Variants in WDFY2 observed in about 807,000 individuals in gnomAD.
WDFY2 encodes WD repeat and FYVE domain-containing protein 2.
WDFY2 carries 36 observed loss-of-function variants against 56.4 expected under a neutral mutation model. The observed-to-expected ratio is 0.64, with a 90% confidence interval of 0.49 to 0.84. WDFY2 has a LOEUF of 0.84. Among genes scored for constraint, WDFY2 ranks in the 40% least tolerant of loss-of-function variants. The pLI is 0.00. For synonymous variants in WDFY2, 176 were observed against 183.7 expected, an observed-to-expected ratio of 0.96 and a Z score of 0.34; for missense variants, 444 against 512.2, an observed-to-expected ratio of 0.87 and a Z score of 1.29.
At position 51,751,406 on chromosome 13, in the gene WDFY2, G is replaced by GAGGC; in HGVS notation, c.826_829dup (p.Glu277AlafsTer5). On this transcript the variant is annotated frameshift_variant, in exon 8 of 12. Coordinates refer to ENST00000298125, the MANE Select transcript of WDFY2 (RefSeq NM_052950.4). LOFTEE classifies it high-confidence loss of function. Reference sequence around the variant, plus strand: ...TTGTCGTCTGGAACATGGACGTGGAGAGGCAGGAGGTAGGTGGCACAGCAG... The same window carrying GAGGC: ...TTGTCGTCTGGAACATGGACGTGGAGAGGCAGGCAGGAGGTAGGTGGCACAGCAG... The GAGGC allele has an allele frequency of 6.2e-7, 1 of 1,614,038 alleles. No homozygotes were observed. The highest frequency in any genetic ancestry group is 1.3e-5 in the African/African-American group (1 of 75,050).
At chr13:51,593,370 A>G (rs1017343062) in intron 1 of WDFY2, among the ~76,000 whole-genome samples, 1 of 152,204 alleles carries the variant, frequency 6.6e-6, no homozygotes, top group African/African-American at 2.4e-5. Context: ...GTTATGATGA[A>G]CATTTATAAA....
chr13:51,749,466 T>A (rs73199746), intron 7 of WDFY2, among the ~76,000 whole-genome samples: 19,073 of 152,162 alleles, frequency 0.13, 1,486 homozygotes, highest in South Asian at 0.22. Flanking sequence ...CCAGAGAAAC[T>A]AATTTATATT....
chr13:51,675,115 G>T (rs1258602276), intron 2 of WDFY2, 55 bp from the exon 3 acceptor site: 2 of 1,553,116 alleles, frequency 1.3e-6, no homozygotes, highest in Non-Finnish European at 1.8e-6. Context: ...AGGCACTCCT[G>T]AGTCGATGAG....
chr13:51,681,504 T>G (rs1955976008), intron 3 of WDFY2, among the ~76,000 whole-genome samples: 1 of 152,158 alleles, frequency 6.6e-6, no homozygotes, highest in African/African-American at 2.4e-5. Flanking sequence ...TTACACTAGC[T>G]TATGATTCTG....
At chr13:51,746,549 T>C (rs576033913) in intron 7 of WDFY2, among the ~76,000 whole-genome samples, 1 of 152,220 alleles carries the variant, frequency 6.6e-6, no homozygotes, top group African/African-American at 2.4e-5. Flanking sequence ...GGTTATAAAG[T>C]TGATTTGCCC....
chr13:51,648,886 C>T (rs1955312138), intron 1 of WDFY2, among the ~76,000 whole-genome samples: 1 of 152,190 alleles, frequency 6.6e-6, no homozygotes. Context: ...GTGGCTCACG[C>T]CTGTAATCTC....
intron 3 of WDFY2, among the ~76,000 whole-genome samples, chr13:51,691,752 A>G (rs1956163702): frequency 6.6e-6 from 1 of 152,000 alleles, no homozygotes; most frequent in Non-Finnish European, 1.5e-5. Flanking sequence ...TGGTAGCTTG[A>G]TGGGGATGGC....
At position 51,690,657 on chromosome 13, in the gene WDFY2, C is replaced by T. The variant is rs1359328068; in HGVS notation, c.280-12939C>T. ...CGTGAATAATGCCGCAATAAACATA[C>T]GTGTGCATGTGTCTTTATAGCAGCA... On this transcript the variant is annotated intron_variant, in intron 3 of 11. Transcript: ENST00000298125. Among the ~76,000 whole-genome samples the T allele has an allele frequency of 3.9e-5, 6 of 151,974 alleles. No homozygotes were observed. In the East Asian group the frequency reaches 7.7e-4, roughly 20 times the overall value.
At chr13:51,693,659 G>A (rs1163591388) in intron 3 of WDFY2, among the ~76,000 whole-genome samples, 3 of 151,192 alleles carry the variant, frequency 2.0e-5, no homozygotes, top group African/African-American at 7.3e-5. Context: ...TGTATATTCT[G>A]TTGATTTGGG....
intron 1 of WDFY2, among the ~76,000 whole-genome samples, chr13:51,639,627 G>A (rs1955118700): frequency 1.3e-5 from 2 of 152,196 alleles, no homozygotes; most frequent in African/African-American, 4.8e-5. Context: ...GATTATGAGG[G>A]CTTTTATGAT....
At chr13:51,751,573 C>A in intron 8 of WDFY2, 158 bp downstream of exon 8, 1 of 698,236 alleles carries the variant, frequency 1.4e-6, no homozygotes, top group Non-Finnish European at 2.4e-6. Context: ...TTTTTTTTCC[C>A]TCACAAGTTG....
At chr13:51,708,592 A>G (rs538969356) in intron 4 of WDFY2, among the ~76,000 whole-genome samples, 2 of 150,536 alleles carry the variant, frequency 1.3e-5, no homozygotes, top group East Asian at 3.9e-4. Context: ...AAAAAAAAAA[A>G]GCAGACTAAG....
intron 6 of WDFY2, among the ~76,000 whole-genome samples, chr13:51,734,055 T>G (rs1273702972): frequency 6.6e-6 from 1 of 152,158 alleles, no homozygotes. Context: ...AGGCTCTTAG[T>G]CTCCTTTAGC....
chr13:51,716,665 C>T (rs899780295), intron 4 of WDFY2, among the ~76,000 whole-genome samples: 4 of 140,512 alleles, frequency 2.8e-5, no homozygotes, highest in Admixed American at 7.4e-5. Context: ...TGCACTCCAG[C>T]CTGGGCGACA....
At chr13:51,649,416 G>T (rs548695316) in intron 1 of WDFY2, among the ~76,000 whole-genome samples, 2 of 151,726 alleles carry the variant, frequency 1.3e-5, no homozygotes, top group Non-Finnish European at 2.9e-5. Flanking sequence ...GCATTTCAGC[G>T]GTCAGACTTT....
Position 51,745,545 on chromosome 13 carries a change from T to TA in WDFY2, c.726-5760dup, listed in dbSNP as rs1477221583. On this transcript the variant is annotated intron_variant, in intron 7 of 11. Transcript: ENST00000298125. ...TCTTTAAGAGTTGTAAATAGATCAG[T>TA]AAAAATACTAAAAGGTGTAGTCCCC... Among the ~76,000 whole-genome samples, 6 of 151,988 alleles carry TA rather than the reference T, an allele frequency of 3.9e-5. No homozygotes were observed. In the East Asian group the frequency reaches 1.2e-3, roughly 29 times the overall value.
At chr13:51,739,199 A>G in intron 7 of WDFY2, 24 bp downstream of exon 7, 1 of 1,567,102 alleles carries the variant, frequency 6.4e-7, no homozygotes, top group Non-Finnish European at 8.7e-7. Context: ...TGCTTTCATA[A>G]AGACTCTGAG....
At chr13:51,646,485 C>T (rs930982239) in intron 1 of WDFY2, among the ~76,000 whole-genome samples, 2 of 152,190 alleles carry the variant, frequency 1.3e-5, no homozygotes, top group African/African-American at 4.8e-5. Flanking sequence ...TTAGCTCTTA[C>T]CTTGCTTTGT....
At chr13:51,680,337 C>T (rs1242510063) in intron 3 of WDFY2, among the ~76,000 whole-genome samples, 2 of 151,828 alleles carry the variant, frequency 1.3e-5, no homozygotes, top group South Asian at 2.1e-4. Flanking sequence ...CCTAGGCTCA[C>T]GGGATCCTCC....
Sources: gnomAD v4.1 joint callset for allele counts (sites outside exome capture counted in the v4.1 genomes callset) on GRCh38, gnomAD v4.1.1 for gene constraint, MANE v1.5 for transcripts, NCBI Gene and HGNC (gene_info 2026-07-23, HGNC 2026-07-21) for gene names.